The following C2orf76 variants were observed in gnomAD, a reference collection of about 807,000 sequenced individuals.
C2orf76 encodes chromosome 2 open reading frame 76.
A neutral mutation model predicts 16.9 loss-of-function variants in C2orf76; 23 were observed. The observed-to-expected ratio is 1.36, with a 90% confidence interval of 0.98 to 1.93. C2orf76 has a LOEUF of 1.93. Among genes scored for constraint, C2orf76 ranks in the 30% most tolerant of loss-of-function variants. C2orf76 has a pLI of 0.00. For synonymous variants in C2orf76, 48 were observed against 52.3 expected, an observed-to-expected ratio of 0.92 and a Z score of 0.35; for missense variants, 152 against 152.6, an observed-to-expected ratio of 1.00 and a Z score of 0.02.
chr2:119,333,259 A>C (rs913678264), intron 2 of C2orf76, among the ~76,000 whole-genome samples: 4 of 152,238 alleles, frequency 2.6e-5, no homozygotes, highest in Non-Finnish European at 5.9e-5. Flanking sequence ...GAAGAGTGCC[A>C]GATAATACAT....
chr2:119,358,577 C>CA (rs58374459), intron 1 of C2orf76, among the ~76,000 whole-genome samples: 11,976 of 88,038 alleles, frequency 0.14, 912 homozygotes, highest in Middle Eastern at 0.24. Flanking sequence ...GACTCTGTCT[C>CA]AAAAAAAAAA....
chr2:119,361,649 T>C (rs1394883236), intron 1 of C2orf76, among the ~76,000 whole-genome samples: 1 of 152,112 alleles, frequency 6.6e-6, no homozygotes, highest in East Asian at 1.9e-4. Flanking sequence ...TGAGCATCCA[T>C]GGATTTTTGG....
chr2:119,334,452 C>T (rs938042458), intron 2 of C2orf76, among the ~76,000 whole-genome samples: 1 of 149,622 alleles, frequency 6.7e-6, no homozygotes, highest in Non-Finnish European at 1.5e-5. Context: ...TTTGGGAGGC[C>T]GAGGCAGCGG....
At chr2:119,328,114 G>T (rs1679568264) in intron 2 of C2orf76, among the ~76,000 whole-genome samples, 1 of 151,916 alleles carries the variant, frequency 6.6e-6, no homozygotes, top group Non-Finnish European at 1.5e-5. Flanking sequence ...TCCTGCCTCA[G>T]CCTCCTATAT....
chr2:119,325,126 G>A (rs182785448), intron 2 of C2orf76, among the ~76,000 whole-genome samples: 33 of 151,926 alleles, frequency 2.2e-4, no homozygotes, highest in African/African-American at 8.0e-4. Context: ...GCTTAAGTCC[G>A]GGAGTTCAAG....
rs774261753 is a variant in C2orf76, at chr2:119,339,843, G to A, written c.117C>T (p.Ile39=). ...VNLDQTVKEF[I]VFLKQDIPLR... The stretch of plus-strand genomic sequence containing the variant: ...ATCTCATACCTTGCTTTAGAAATAC[G>A]ATAAATTCCTTTACAGTTTGGTCCA... Residue 39 remains isoleucine, a synonymous_variant, in exon 2 of 6, where the codon ATC becomes ATT. Coordinates refer to ENST00000334816, the MANE Select transcript of C2orf76 (RefSeq NM_001322331.2). 28 of 1,601,648 alleles carry A rather than the reference G, an allele frequency of 1.7e-5. No homozygotes were observed. Among genetic ancestry groups the A allele is most frequent in the South Asian group, 7.7e-5 (7 of 90,466 alleles).
At chr2:119,282,845 G>A in the C2orf76 span, among the ~76,000 whole-genome samples, 47 of 152,190 alleles carry the variant, frequency 3.1e-4, no homozygotes, top group Non-Finnish European at 5.7e-4. Flanking sequence ...GATGAAATGG[G>A]CAATCGGGTG....
At chr2:119,317,566 A>C in intron 3 of C2orf76, 63 bp from the exon 4 acceptor site, 1 of 1,380,154 alleles carries the variant, frequency 7.2e-7, no homozygotes, top group Non-Finnish European at 1.0e-6. Context: ...TCAAATTATT[A>C]AAATGGGTGG....
chr2:119,342,223 A>T (rs886529334), intron 1 of C2orf76, among the ~76,000 whole-genome samples: 4 of 152,198 alleles, frequency 2.6e-5, no homozygotes, highest in Non-Finnish European at 4.4e-5. Context: ...CAAAAATACT[A>T]CCACGAGTGG....
chr2:119,327,141 G>A (rs1165986918), intron 2 of C2orf76, among the ~76,000 whole-genome samples: 1 of 152,116 alleles, frequency 6.6e-6, no homozygotes, highest in African/African-American at 2.4e-5. Flanking sequence ...TATTTTAGGA[G>A]GAAAGCACTC....
intron 2 of C2orf76, among the ~76,000 whole-genome samples, chr2:119,324,103 T>A (rs1679433894): frequency 6.6e-6 from 1 of 152,228 alleles, no homozygotes; most frequent in African/African-American, 2.4e-5. Context: ...TATTGACATT[T>A]ATATTTCCTG....
chr2:119,287,425 C>T, the C2orf76 span, among the ~76,000 whole-genome samples: 5 of 152,270 alleles, frequency 3.3e-5, no homozygotes, highest in East Asian at 1.9e-4. Flanking sequence ...ACATACACAC[C>T]GCCCGAGACC....
chr2:119,329,851 T>A (rs1449095570), intron 2 of C2orf76, among the ~76,000 whole-genome samples: 6 of 152,226 alleles, frequency 3.9e-5, no homozygotes, highest in South Asian at 4.1e-4. Flanking sequence ...ATATTTTTTT[T>A]AATTATTTTC....
chr2:119,289,302 C>T, the C2orf76 span, among the ~76,000 whole-genome samples: 11 of 152,040 alleles, frequency 7.2e-5, no homozygotes, highest in African/African-American at 2.7e-4. Flanking sequence ...TTCTACTCTC[C>T]TGTGGTTTAG....
chr2:119,343,775 A>G (rs1364456877), intron 1 of C2orf76, among the ~76,000 whole-genome samples: 1 of 152,188 alleles, frequency 6.6e-6, no homozygotes, highest in Non-Finnish European at 1.5e-5. Flanking sequence ...GTGAGACTCC[A>G]TCTCAAAAAA....
chr2:119,365,340 G>T (rs72831290), intron 1 of C2orf76, among the ~76,000 whole-genome samples: 1 of 152,134 alleles, frequency 6.6e-6, no homozygotes. Flanking sequence ...TGTGATTTTC[G>T]AAGAAACCTG....
chr2:119,350,054 C>G (rs1014739820), intron 1 of C2orf76, among the ~76,000 whole-genome samples: 1 of 112,044 alleles, frequency 8.9e-6, no homozygotes, highest in African/African-American at 3.8e-5. Context: ...TGAGCCACCA[C>G]GCCCCGCCCA....
intron 5 of C2orf76, among the ~76,000 whole-genome samples, chr2:119,307,592 G>A (rs1013844503): frequency 1.3e-5 from 2 of 152,010 alleles, no homozygotes; most frequent in Non-Finnish European, 2.9e-5. Context: ...AGATAACAAA[G>A]AGAAAATCGC....
At chr2:119,309,935 T>A (rs1174728384) in intron 5 of C2orf76, among the ~76,000 whole-genome samples, 1 of 152,198 alleles carries the variant, frequency 6.6e-6, no homozygotes, top group Non-Finnish European at 1.5e-5. Context: ...TTTAAAAAAT[T>A]TTTTTACATT....
Sources: allele counts gnomAD v4.1 joint callset (sites outside exome capture counted in the v4.1 genomes callset), GRCh38; gene constraint gnomAD v4.1.1; transcripts MANE v1.5; gene names NCBI Gene and HGNC (gene_info 2026-07-23, HGNC 2026-07-21).